The following NTAQ1 variants were observed in gnomAD, a reference collection of about 807,000 sequenced individuals.
NTAQ1 encodes protein N-terminal glutamine amidohydrolase.
In NTAQ1, 21 loss-of-function variants were observed where a neutral mutation model predicts 28.2. That is an observed-to-expected ratio of 0.74 (90% CI 0.53 to 1.07). The LOEUF (loss-of-function observed/expected upper bound fraction) is 1.07, where lower values mean the gene tolerates loss of function less well. Ranked by LOEUF, NTAQ1 falls within the 50% of genes least tolerant of loss-of-function variation. The pLI is 0.00. For missense variants in NTAQ1, 264 were observed against 256.6 expected, an observed-to-expected ratio of 1.03 and a Z score of -0.20; for synonymous variants, 105 against 90.0, an observed-to-expected ratio of 1.17 and a Z score of -0.94.
chr8:123,422,579 G>T (rs1177484988), intron 1 of NTAQ1, among the ~76,000 whole-genome samples: 2 of 149,838 alleles, frequency 1.3e-5, no homozygotes, highest in Non-Finnish European at 3.0e-5. Flanking sequence ...ATGCCTGGCT[G>T]TAGGTTGTCT....
chr8:123,467,295 T>G (rs917548954), exon 7 of NTAQ1: 1 of 151,970 alleles, frequency 6.6e-6, no homozygotes, highest in Non-Finnish European at 1.5e-5. Flanking sequence ...CTTGGCCTCC[T>G]AAACTGCTGG....
Position 123,448,068 on chromosome 8 carries a change from T to C in NTAQ1, c.*104T>C, listed in dbSNP as rs916471746. ...CCAGATGAAATGGTGATGACTGGAG[T>C]GACCTCGGAAGCTACTTATCAAAGG... On this transcript the variant is annotated 3_prime_UTR_variant, in exon 7 of 7. Transcript: ENST00000524254. 2.0e-5 allele frequency: 3 copies of C among 152,172 alleles called. No homozygotes were observed. The East Asian group carries it at 5.8e-4, about 29-fold the overall frequency. The allele number at this position is 152,172 out of a possible 1,614,324, so 9.4% of individuals were successfully genotyped here. A position where few individuals can be genotyped will look rare whatever the true frequency, so the allele number is the denominator to read the frequency against.
intron 2 of NTAQ1, among the ~76,000 whole-genome samples, chr8:123,429,693 T>C (rs371788175): frequency 2.0e-5 from 3 of 152,038 alleles, no homozygotes; most frequent in African/African-American, 7.2e-5. Flanking sequence ...GATGAAACCT[T>C]GTGTCAAAAC....
chr8:123,454,020 A>G (rs12155679), intron 6 of NTAQ1, among the ~76,000 whole-genome samples: 27,954 of 152,214 alleles, frequency 0.18, 2,988 homozygotes, highest in Non-Finnish European at 0.25. Context: ...GTTGTAGGGC[A>G]GGAGTGGGTC....
intron 2 of NTAQ1, 77 bp from the exon 3 acceptor site, chr8:123,429,906 C>CAAA: frequency 5.1e-5 from 31 of 602,212 alleles, no homozygotes; most frequent in South Asian, 1.1e-4. Flanking sequence ...AATCCCGTCT[C>CAAA]AAAAAAAAAA....
chr8:123,424,247 AT>A (rs36112265), intron 1 of NTAQ1, among the ~76,000 whole-genome samples: 52,768 of 140,408 alleles, frequency 0.38, 9,553 homozygotes, highest in East Asian at 0.57. Flanking sequence ...TAATTTTTGT[AT>A]TTTTTTTTTT....
chr8:123,424,174 G>T (rs13273416), intron 1 of NTAQ1, among the ~76,000 whole-genome samples: 54,399 of 147,886 alleles, frequency 0.37, 9,976 homozygotes, highest in East Asian at 0.57. Flanking sequence ...CCGGGCTCAA[G>T]TGATTCTCAT....
At chr8:123,417,043 G>C (rs923605715) in intron 1 of NTAQ1, 111 bp downstream of exon 1, 5 of 1,123,486 alleles carry the variant, frequency 4.5e-6, no homozygotes, top group Non-Finnish European at 5.9e-6. Flanking sequence ...GGCCTCTACC[G>C]GCGGGTTCTA....
At chr8:123,434,132 C>G (rs1447373232) in intron 3 of NTAQ1, among the ~76,000 whole-genome samples, 1 of 151,098 alleles carries the variant, frequency 6.6e-6, no homozygotes, top group African/African-American at 2.4e-5. Context: ...CTTACCTGCT[C>G]CTGCCTGCAT....
At position 123,440,853 on chromosome 8, in the gene NTAQ1, C is replaced by T. The variant is rs774756820; in HGVS notation, c.509-453C>T. On this transcript the variant is annotated intron_variant, in intron 5 of 5. Coordinates refer to ENST00000287387, the MANE Select transcript of NTAQ1 (RefSeq NM_018024.3). ...TTAGCCCCCCTACTCTGACATGACC[C>T]TTCTGAGGACGCTACTGAACGCTGC... Among the ~76,000 whole-genome samples the T allele has an allele frequency of 6.6e-5, 10 of 152,154 alleles. 1 individual carries two copies. The highest frequency in any genetic ancestry group is 6.3e-3 in the Middle Eastern group (2 of 316).
At chr8:123,461,740 T>C (rs1815829850) in intron 6 of NTAQ1, among the ~76,000 whole-genome samples, 1 of 152,162 alleles carries the variant, frequency 6.6e-6, no homozygotes, top group Non-Finnish European at 1.5e-5. Context: ...AGTAGATGCT[T>C]AATAAGGATT....
At chr8:123,433,838 A>G (rs919834750) in intron 3 of NTAQ1, among the ~76,000 whole-genome samples, 3 of 152,146 alleles carry the variant, frequency 2.0e-5, no homozygotes, top group African/African-American at 2.4e-5. Context: ...CCTGCAGCCT[A>G]TGGGCTGCAT....
chr8:123,418,173 C>T lies in NTAQ1; in HGVS notation c.83+1241C>T, dbSNP rs1336521025. 3.3e-5 allele frequency among the ~76,000 whole-genome samples: 5 copies of T among 152,078 alleles called. No homozygotes were observed. The South Asian group carries it at 8.3e-4, about 25-fold the overall frequency. Reference sequence around the variant, plus strand: ...TTTTGAGAGAAAAGCAGATAAGGCCCGGTGCGATGGCTCACGCCTGTAATT... The same window carrying T: ...TTTTGAGAGAAAAGCAGATAAGGCCTGGTGCGATGGCTCACGCCTGTAATT... On this transcript the variant is annotated intron_variant, in intron 1 of 5. Coordinates refer to ENST00000287387, the MANE Select transcript of NTAQ1 (RefSeq NM_018024.3).
intron 3 of NTAQ1, among the ~76,000 whole-genome samples, 180 bp from the exon 4 acceptor site, chr8:123,436,273 C>T (rs570059577): frequency 4.6e-5 from 7 of 151,080 alleles, no homozygotes; most frequent in African/African-American, 1.7e-4. Context: ...ATTTCCCTAT[C>T]TGTGGACATT....
downstream of NTAQ1, among the ~76,000 whole-genome samples, chr8:123,473,013 A>T (rs1047985034): frequency 2.6e-5 from 4 of 152,110 alleles, no homozygotes; most frequent in African/African-American, 9.7e-5. Context: ...TTAACTGTTA[A>T]CTGTTGGGGT....
At chr8:123,460,061 A>G (rs1815775406) in intron 6 of NTAQ1, among the ~76,000 whole-genome samples, 1 of 152,094 alleles carries the variant, frequency 6.6e-6, no homozygotes, top group Non-Finnish European at 1.5e-5. Flanking sequence ...CGGCCCCCCA[A>G]AGGGCTGGGA....
chr8:123,455,965 G>T (rs896147198), intron 6 of NTAQ1, among the ~76,000 whole-genome samples: 7 of 152,140 alleles, frequency 4.6e-5, no homozygotes, highest in African/African-American at 1.2e-4. Context: ...TTCATGTTTG[G>T]TTGTAAAATG....
At chr8:123,441,091 T>C (rs931159504) in intron 5 of NTAQ1, among the ~76,000 whole-genome samples, 1 of 152,196 alleles carries the variant, frequency 6.6e-6, no homozygotes, top group Admixed American at 6.5e-5. Flanking sequence ...TGTAGTCCCC[T>C]CTTCACTGAT....
chr8:123,439,473 G>T (rs913286779), intron 5 of NTAQ1, among the ~76,000 whole-genome samples: 1 of 151,780 alleles, frequency 6.6e-6, no homozygotes, highest in Non-Finnish European at 1.5e-5. Context: ...CTCCTGAGTA[G>T]CTGGGACTAC....
Sources: gnomAD v4.1 joint callset for allele counts (sites outside exome capture counted in the v4.1 genomes callset) on GRCh38, gnomAD v4.1.1 for gene constraint, MANE v1.5 for transcripts, NCBI Gene and HGNC (gene_info 2026-07-23, HGNC 2026-07-21) for gene names.